DCDC1: variants seen among roughly 807,000 people sequenced by gnomAD.
DCDC1 encodes doublecortin domain containing 1, also known as doublecortin domain-containing protein 1.
Under a neutral mutation model 178.3 loss-of-function variants are expected in DCDC1, and 200 were observed. The observed-to-expected ratio is 1.12, with a 90% CI of 1.00 to 1.26. The LOEUF (loss-of-function observed/expected upper bound fraction) is 1.26. Ranked by LOEUF, DCDC1 falls within the 50% of genes most tolerant of loss-of-function variation. The pLI is 0.00. For missense variants in DCDC1, 1,983 were observed against 1,749.2 expected (o/e 1.13, Z -2.38); for synonymous variants, 690 against 604.8 (o/e 1.14, Z -2.07).
intron 20 of DCDC1, among the ~76,000 whole-genome samples, chr11:30,954,038 GTC>G (rs1948606834): frequency 8.7e-6 from 1 of 114,562 alleles, no homozygotes; most frequent in Non-Finnish European, 1.7e-5. Context: ...TTGAGACAGA[GTC>G]TCGCTCTGTC....
chr11:31,098,790 T>C (rs921010473), intron 15 of DCDC1, among the ~76,000 whole-genome samples: 1 of 152,220 alleles, frequency 6.6e-6, no homozygotes, highest in Non-Finnish European at 1.5e-5. Context: ...ATTGGAGACA[T>C]TTTTCTGAAA....
chr11:31,065,169 A>T lies in DCDC1; in HGVS notation c.2299-16T>A. On this transcript the variant is annotated splice_polypyrimidine_tract_variant and intron_variant, in intron 18 of 38. Coordinates refer to ENST00000684477, the MANE Select transcript of DCDC1 (RefSeq NM_001387274.1). Reference sequence around the variant, plus strand: ...GAGGATAAGCCTGTAAGAAAGGAAAAAATAACAAGTAGTATCACCCTTATA... The same window carrying T: ...GAGGATAAGCCTGTAAGAAAGGAAATAATAACAAGTAGTATCACCCTTATA... The T allele has an allele frequency of 1.4e-6, 1 of 735,910 alleles. No homozygotes were observed. Among genetic ancestry groups the T allele is most frequent in the Non-Finnish European group, 2.5e-6 (1 of 407,568 alleles). 45.6% of individuals were successfully genotyped at this position (735,910 alleles called of 1,614,324 possible). A position where few individuals can be genotyped will look rare whatever the true frequency, so the allele number is the denominator to read the frequency against.
At chr11:31,050,229 G>A (rs990651625) in intron 20 of DCDC1, among the ~76,000 whole-genome samples, 8 of 152,074 alleles carry the variant, frequency 5.3e-5, no homozygotes, top group African/African-American at 9.7e-5. Flanking sequence ...ATGACTGCCC[G>A]CTTTCCTCCA....
intron 9 of DCDC1, among the ~76,000 whole-genome samples, chr11:31,206,349 C>T (rs904488718): frequency 6.6e-6 from 1 of 152,114 alleles, no homozygotes; most frequent in Non-Finnish European, 1.5e-5. Flanking sequence ...AAATGTTTAC[C>T]CTGAATCTAT....
At chr11:30,888,455 C>A (rs904130009) in intron 36 of DCDC1, among the ~76,000 whole-genome samples, 1 of 152,180 alleles carries the variant, frequency 6.6e-6, no homozygotes, top group Admixed American at 6.5e-5. Context: ...CGGTGGCTCA[C>A]GCCTGTAATC....
intron 11 of DCDC1, among the ~76,000 whole-genome samples, chr11:31,118,127 T>TTAA (rs1333346448): frequency 3.3e-5 from 5 of 152,090 alleles, no homozygotes; most frequent in African/African-American, 1.2e-4. Context: ...GAAATGAACA[T>TTAA]TGTAGGATTA....
At chr11:30,946,390 A>C (rs912548619) in intron 21 of DCDC1, among the ~76,000 whole-genome samples, 1 of 152,148 alleles carries the variant, frequency 6.6e-6, no homozygotes, top group African/African-American at 2.4e-5. Flanking sequence ...GTGGGCCCTC[A>C]AACCCTGAGT....
At chr11:31,147,128 T>G (rs181642029) in intron 9 of DCDC1, among the ~76,000 whole-genome samples, 1 of 152,326 alleles carries the variant, frequency 6.6e-6, no homozygotes, top group Admixed American at 6.5e-5. Flanking sequence ...TCTGGCTGTT[T>G]GAGTTTTATT....
intron 9 of DCDC1, among the ~76,000 whole-genome samples, chr11:31,172,079 A>G (rs1025842823): frequency 1.3e-5 from 2 of 152,204 alleles, no homozygotes; most frequent in African/African-American, 4.8e-5. Flanking sequence ...TCAGAGTGAC[A>G]GATTTCCATT....
At chr11:30,948,400 A>G (rs1299440365) in intron 21 of DCDC1, among the ~76,000 whole-genome samples, 1 of 152,214 alleles carries the variant, frequency 6.6e-6, no homozygotes, top group East Asian at 1.9e-4. Context: ...AGATAGAAAG[A>G]ATCAAAATCG....
At chr11:31,272,197 G>A (rs1050099648) in intron 7 of DCDC1, among the ~76,000 whole-genome samples, 7 of 149,770 alleles carry the variant, frequency 4.7e-5, no homozygotes, top group Non-Finnish European at 8.9e-5. Context: ...CTGATAAGAC[G>A]TTTTCACTAT....
intron 7 of DCDC1, among the ~76,000 whole-genome samples, chr11:31,288,551 G>T (rs1304713839): frequency 6.6e-6 from 1 of 151,676 alleles, no homozygotes; most frequent in Non-Finnish European, 1.5e-5. Flanking sequence ...GGACTTTTAT[G>T]CTTTAACTAC....
intron 20 of DCDC1, among the ~76,000 whole-genome samples, chr11:31,034,108 C>T (rs189316385): frequency 6.9e-6 from 1 of 144,836 alleles, no homozygotes; most frequent in Admixed American, 7.0e-5. Context: ...CATGCCACTG[C>T]ACTCCAGTCT....
At chr11:30,918,505 T>C (rs554473273) in intron 25 of DCDC1, among the ~76,000 whole-genome samples, 2 of 152,228 alleles carry the variant, frequency 1.3e-5, no homozygotes, top group Non-Finnish European at 2.9e-5. Context: ...GATATTGTAA[T>C]GGAAATTGAC....
At chr11:31,208,154 A>C (rs924338303) in intron 9 of DCDC1, among the ~76,000 whole-genome samples, 1 of 152,180 alleles carries the variant, frequency 6.6e-6, no homozygotes, top group African/African-American at 2.4e-5. Context: ...GTTATATATT[A>C]AACTTGTATC....
At chr11:31,341,446 T>C (rs1950543856) in intron 1 of DCDC1, among the ~76,000 whole-genome samples, 1 of 129,202 alleles carries the variant, frequency 7.7e-6, no homozygotes, top group Non-Finnish European at 1.7e-5. Context: ...TAGACATGTG[T>C]TGCTTAACAA....
chr11:31,305,738 C>T lies in DCDC1; in HGVS notation c.631G>A (p.Ala211Thr). 1 of 1,613,660 alleles carries T rather than the reference C, an allele frequency of 6.2e-7. No individual in the cohort carries two copies. The highest frequency in any genetic ancestry group is 8.5e-7 in the Non-Finnish European group (1 of 1,179,796). The change falls in exon 6 of 39, where the codon GCC becomes ACC. Residue 211 changes from alanine (A) to threonine (T), a missense_variant. Transcript: ENST00000684477. ...TCTGCCAAGAACACTCGTCTTGCGGCCATGTTCAGATTCAGCTTTTCTGTG... is the reference window on the plus strand; with the variant it reads ...TCTGCCAAGAACACTCGTCTTGCGGTCATGTTCAGATTCAGCTTTTCTGTG... ...ECTEKLNLNMAARRVFLADGK... is the reference protein window; with the variant it reads ...ECTEKLNLNMTARRVFLADGK...
chr11:30,961,507 C>T (rs1048307434), intron 20 of DCDC1, among the ~76,000 whole-genome samples: 1 of 151,954 alleles, frequency 6.6e-6, no homozygotes, highest in African/African-American at 2.4e-5. Context: ...GTTAAAGAAA[C>T]GCTTTAACGT....
intron 20 of DCDC1, among the ~76,000 whole-genome samples, chr11:31,059,207 T>C (rs2072621703): frequency 6.6e-6 from 1 of 152,144 alleles, no homozygotes; most frequent in Non-Finnish European, 1.5e-5. Flanking sequence ...CCTAATCTTT[T>C]AGAATGCTTG....
Sources: allele counts gnomAD v4.1 joint callset (sites outside exome capture counted in the v4.1 genomes callset), GRCh38; gene constraint gnomAD v4.1.1; transcripts MANE v1.5; gene names NCBI Gene and HGNC (gene_info 2026-07-23, HGNC 2026-07-21).